The following GRTP1 variants were observed in gnomAD, a reference collection of about 807,000 sequenced individuals.
The protein encoded by GRTP1 is growth hormone-regulated TBC protein 1.
Under a neutral mutation model 38.1 loss-of-function variants are expected in GRTP1, and 56 were observed. The ratio of observed to expected loss-of-function variants is 1.47; its 90% confidence interval spans 1.19 to 1.84. The LOEUF is 1.84. Among genes scored for constraint, GRTP1 ranks in the 40% most tolerant of loss-of-function variants. GRTP1 has a pLI of 0.00. For synonymous variants in GRTP1, 217 were observed against 189.5 expected (o/e 1.14, Z -1.19); for missense variants, 506 against 453.9 (o/e 1.11, Z -1.04).
intron 1 of GRTP1, 37 bp from the exon 2 acceptor site, chr13:113,363,947 G>A: frequency 6.2e-7 from 1 of 1,602,744 alleles, no homozygotes; most frequent in Non-Finnish European, 8.5e-7. Flanking sequence ...CGTCCCCGAA[G>A]TTTCCTCTGG....
chr13:113,347,186 A>G (rs372967977), intron 4 of GRTP1, among the ~76,000 whole-genome samples: 88 of 4,398 alleles, frequency 0.02, 1 homozygote, highest in Admixed American at 0.045. Flanking sequence ...GAGCAGACCC[A>G]GGAGGACCTC....
chr13:113,336,726 A>G (rs2042960634), intron 5 of GRTP1, among the ~76,000 whole-genome samples: 1 of 66,414 alleles, frequency 1.5e-5, no homozygotes, highest in Non-Finnish European at 3.4e-5. Flanking sequence ...GAACTGCCCT[A>G]GAACGGTACC....
chr13:113,352,148 G>A (rs865991028), intron 3 of GRTP1, among the ~76,000 whole-genome samples: 8 of 148,128 alleles, frequency 5.4e-5, no homozygotes, highest in African/African-American at 2.0e-4. Context: ...ATCAGTCAAG[G>A]GGAAGTTAGT....
At position 113,324,231 on chromosome 13, in the gene GRTP1, C is replaced by G. The variant is rs1302332626; in HGVS notation, c.*257G>C. On this transcript the variant is annotated 3_prime_UTR_variant, in exon 8 of 8. Transcript: ENST00000375431. Reference sequence around the variant, plus strand: ...TGGCATACTTTATTAGATACAAACCCACACTCACATTTTATATATTATTGA... The same window carrying G: ...TGGCATACTTTATTAGATACAAACCGACACTCACATTTTATATATTATTGA... 2.3e-6 allele frequency: 1 copy of G among 435,244 alleles called. No individual in the cohort carries two copies. The allele number at this position is 435,244 out of a possible 1,614,324, so 27.0% of individuals were successfully genotyped here.
At chr13:113,345,997 CCCGAGAGGACCTCTGCGG>C (rs1566428560) in intron 4 of GRTP1, among the ~76,000 whole-genome samples, 26 of 147,434 alleles carry the variant, frequency 1.8e-4, no homozygotes, top group Admixed American at 4.0e-4. Context: ...CGAGAGTGGA[CCCGAGAGGACCTCTGCGG>C]CTGAGCAGAC....
At chr13:113,326,150 T>C in intron 5 of GRTP1, 59 bp from the exon 6 acceptor site, 2 of 1,581,092 alleles carry the variant, frequency 1.3e-6, no homozygotes, top group Non-Finnish European at 1.7e-6. Context: ...ACAAGCCCCA[T>C]TCCCCTCAGA....
intron 5 of GRTP1, among the ~76,000 whole-genome samples, chr13:113,331,854 A>C (rs1229109818): frequency 6.6e-6 from 1 of 150,396 alleles, no homozygotes; most frequent in Non-Finnish European, 1.5e-5. Context: ...ACGGGGTTTC[A>C]TCATGTTGGC....
chr13:113,331,595 G>A (rs1006767769), intron 5 of GRTP1, among the ~76,000 whole-genome samples: 1 of 151,618 alleles, frequency 6.6e-6, no homozygotes, highest in East Asian at 1.9e-4. Flanking sequence ...CTTCTCAGAC[G>A]CAGCTCAGGT....
intron 5 of GRTP1, among the ~76,000 whole-genome samples, chr13:113,336,337 A>C (rs1193523803): frequency 1.3e-5 from 2 of 151,016 alleles, no homozygotes; most frequent in Admixed American, 1.3e-4. Flanking sequence ...GGTACTGTAA[A>C]ATTTAATTAA....
At chr13:113,326,191 A>C in intron 5 of GRTP1, 100 bp from the exon 6 acceptor site, 1 of 1,444,854 alleles carries the variant, frequency 6.9e-7, no homozygotes. Context: ...CCACCCTGGG[A>C]GGACCCCTCC....
At chr13:113,340,752 C>G (rs1381268729) in intron 5 of GRTP1, among the ~76,000 whole-genome samples, 3 of 151,990 alleles carry the variant, frequency 2.0e-5, no homozygotes, top group Non-Finnish European at 4.4e-5. Context: ...TGCACTCCAG[C>G]CTGGGCGACA....
chr13:113,354,031 G>C (rs183378250), intron 3 of GRTP1, among the ~76,000 whole-genome samples: 1 of 152,100 alleles, frequency 6.6e-6, no homozygotes, highest in East Asian at 1.9e-4. Context: ...CACTGTGACC[G>C]CACCACTACA....
At chr13:113,356,305 T>C (rs2043384897) in intron 2 of GRTP1, among the ~76,000 whole-genome samples, 1 of 152,194 alleles carries the variant, frequency 6.6e-6, no homozygotes, top group Non-Finnish European at 1.5e-5. Flanking sequence ...TCTTGTTCTG[T>C]CGCCCAGGCT....
chr13:113,357,632 A>G (rs1369182302), intron 2 of GRTP1, among the ~76,000 whole-genome samples: 3 of 152,142 alleles, frequency 2.0e-5, no homozygotes, highest in African/African-American at 7.2e-5. Flanking sequence ...CCAATAATTC[A>G]GCCTGACTTT....
rs932470004 is a variant in GRTP1, at chr13:113,349,269, G to C, written c.465+1580C>G. Among the ~76,000 whole-genome samples, 2 of 151,774 alleles carry C rather than the reference G, an allele frequency of 1.3e-5. No homozygotes were observed. The highest frequency in any genetic ancestry group is 1.3e-4 in the Admixed American group (2 of 15,236). ...AGTGGTGCCAACATGGCTCACTGCA[G>C]GCTTGACCTCCCAGACCCAAACGAC... On this transcript the variant is annotated intron_variant, in intron 4 of 7. Coordinates refer to ENST00000375431, the MANE Select transcript of GRTP1 (RefSeq NM_024719.4). The surrounding 1 kb of genome is among the most constrained non-coding windows in gnomAD (Gnocchi z 5.0).
chr13:113,349,922 G>C lies in GRTP1; in HGVS notation c.465+927C>G, dbSNP rs2043230048. Among the ~76,000 whole-genome samples, 1 of 150,640 alleles carries C rather than the reference G, an allele frequency of 6.6e-6. No homozygotes were observed. The highest frequency in any genetic ancestry group is 2.4e-5 in the African/African-American group (1 of 40,830). On this transcript the variant is annotated intron_variant, in intron 4 of 7. Transcript: ENST00000375431. The surrounding 1 kb of genome is among the most constrained non-coding windows in gnomAD (Gnocchi z 5.0). ...GACGATGTCCTTCCCTGTCCTCCTA[G>C]AAACGTTTAAGCCAGCCACAACCCC... is the stretch of plus-strand genomic sequence containing the variant.
rs763383017 is a variant in GRTP1, at chr13:113,340,759, G to A, written c.562+4104C>T. 4.7e-4 allele frequency among the ~76,000 whole-genome samples: 72 copies of A among 151,736 alleles called. 1 individual carries two copies. Among genetic ancestry groups the A allele is most frequent in the Non-Finnish European group, 9.0e-4 (61 of 67,926 alleles). On this transcript the variant is annotated intron_variant, in intron 5 of 7. Transcript: ENST00000375431. ...TGCGCCACTGCACTCCAGCCTGGGC[G>A]ACAGAGTGAGACTCTGTCTTGAAAA...
rs1020472139 is a variant in GRTP1 at position 113,360,220 on chromosome 13, T to C, written c.181+3542A>G. 13 of 152,170 alleles carry C rather than the reference T, an allele frequency of 8.5e-5. No individual in the cohort carries two copies. In the East Asian group the frequency reaches 2.5e-3, roughly 29 times the overall value. 9.4% of individuals were successfully genotyped at this position (152,170 alleles called of 1,614,324 possible). A position where few individuals can be genotyped will look rare whatever the true frequency, so the allele number is the denominator to read the frequency against. ...TAGGAATCCAACAGGACTAAGTTTGTTGAATTTAGTCTTTCCAGGGAGGAA... is the reference window on the plus strand; with the variant it reads ...TAGGAATCCAACAGGACTAAGTTTGCTGAATTTAGTCTTTCCAGGGAGGAA... On this transcript the variant is annotated intron_variant, in intron 2 of 7. Transcript: ENST00000375431.
Position 113,346,230 on chromosome 13 carries a change from A to AGTG in GRTP1, c.466-1272_466-1271insCAC, listed in dbSNP as rs1595495458. 2.8e-3 allele frequency among the ~76,000 whole-genome samples: 249 copies of AGTG among 90,062 alleles called. 17 individuals carry two copies. Among genetic ancestry groups the AGTG allele is most frequent in the Admixed American group, 3.6e-3 (32 of 8,992 alleles). The allele number at this position is 90,062 out of a possible 152,430, so 59.1% of individuals were successfully genotyped here. ...CGGGAGGACCTCTGTGGCTGAGAAC[A>AGTG]GACCCGGGAGGACCTCTGTGGCCGA... On this transcript the variant is annotated intron_variant, in intron 4 of 7. Transcript: ENST00000375431.
Sources: allele counts gnomAD v4.1 joint callset (sites outside exome capture counted in the v4.1 genomes callset), GRCh38; gene constraint gnomAD v4.1.1; non-coding constraint Gnocchi (gnomAD v3.1); transcripts MANE v1.5; gene names NCBI Gene and HGNC (gene_info 2026-07-23, HGNC 2026-07-21).